Variants in GMDS observed in about 807,000 individuals in gnomAD.
GMDS encodes GDP-mannose 4,6-dehydratase, also known as GDP-mannose 4,6 dehydratase.
GMDS carries 20 observed loss-of-function variants against 49.9 expected under a neutral mutation model. That is an observed-to-expected ratio of 0.40 (90% confidence interval 0.28 to 0.58). The LOEUF (loss-of-function observed/expected upper bound fraction) is 0.58, where lower values mean the gene tolerates loss of function less well. GMDS is among the 20% of genes least tolerant of loss of function. The pLI is 0.42. For synonymous variants in GMDS, 177 were observed against 178.6 expected (o/e 0.99, Z 0.07); for missense variants, 362 against 481.4 (o/e 0.75, Z 2.32).
chr6:1,765,768 T>A (rs747342737), intron 7 of GMDS, among the ~76,000 whole-genome samples: 1 of 152,190 alleles, frequency 6.6e-6, no homozygotes, highest in African/African-American at 2.4e-5. Flanking sequence ...CTGTGCCAGA[T>A]TCTCGCTGGT....
At chr6:2,109,153 G>A (rs1410173833) in intron 4 of GMDS, among the ~76,000 whole-genome samples, 2 of 152,154 alleles carry the variant, frequency 1.3e-5, no homozygotes, top group African/African-American at 2.4e-5. Flanking sequence ...TTTGCCTCAA[G>A]TTAGACTGAA....
At chr6:2,142,168 G>A (rs4959637) in intron 1 of GMDS, among the ~76,000 whole-genome samples, 1 of 151,890 alleles carries the variant, frequency 6.6e-6, no homozygotes, top group Non-Finnish European at 1.5e-5. Flanking sequence ...GGCCATAAGA[G>A]AAAAAAGAGC....
At chr6:1,885,621 C>T (rs114168666) in intron 7 of GMDS, among the ~76,000 whole-genome samples, 43 of 152,268 alleles carry the variant, frequency 2.8e-4, no homozygotes, top group African/African-American at 8.4e-4. Context: ...CCTTGGTCTC[C>T]GAGGTTGCCT....
intron 1 of GMDS, among the ~76,000 whole-genome samples, chr6:2,165,676 A>G (rs1777629703): frequency 6.6e-6 from 1 of 152,264 alleles, no homozygotes. Flanking sequence ...ATCCTGTGGA[A>G]GACAACTCAT....
chr6:1,863,235 C>T (rs573781942), intron 7 of GMDS, among the ~76,000 whole-genome samples: 1 of 152,072 alleles, frequency 6.6e-6, no homozygotes, highest in African/African-American at 2.4e-5. Context: ...TCACCCATAA[C>T]CATTAGTTTC....
intron 9 of GMDS, among the ~76,000 whole-genome samples, chr6:1,703,135 C>T (rs906285583): frequency 7.2e-5 from 11 of 152,284 alleles, no homozygotes; most frequent in African/African-American, 2.4e-4. Flanking sequence ...GTGTCGGCAA[C>T]TCCTGTGTGA....
intron 4 of GMDS, among the ~76,000 whole-genome samples, chr6:2,086,147 C>G (rs1376775246): frequency 6.6e-6 from 1 of 152,082 alleles, no homozygotes; most frequent in Non-Finnish European, 1.5e-5. Flanking sequence ...GATTTTCTTC[C>G]AGACATGACA....
intron 4 of GMDS, among the ~76,000 whole-genome samples, chr6:1,978,081 C>A (rs777125830): frequency 3.3e-5 from 5 of 152,152 alleles, no homozygotes; most frequent in African/African-American, 7.2e-5. Context: ...TGAGACCAGA[C>A]GGAGCCCACG....
intron 5 of GMDS, 48 bp downstream of exon 5, chr6:1,960,726 C>A (rs1388686563): frequency 1.6e-6 from 2 of 1,268,816 alleles, no homozygotes; most frequent in South Asian, 1.6e-5. Context: ...CCCCCCACAC[C>A]CACAGATAAC....
intron 2 of GMDS, 93 bp from the exon 3 acceptor site, chr6:2,117,649 G>A (rs1774919529): frequency 1.3e-6 from 1 of 753,244 alleles, no homozygotes; most frequent in Non-Finnish European, 2.4e-6. Flanking sequence ...AAAATGATTT[G>A]TAAGCATTAT....
At chr6:1,733,831 G>A (rs760178443) in intron 8 of GMDS, among the ~76,000 whole-genome samples, 4 of 141,942 alleles carry the variant, frequency 2.8e-5, no homozygotes, top group African/African-American at 5.3e-5. Context: ...CAGCCAGGGC[G>A]ACAGAGTGAG....
At chr6:2,173,794 G>A (rs1344986641) in intron 1 of GMDS, among the ~76,000 whole-genome samples, 1 of 152,144 alleles carries the variant, frequency 6.6e-6, no homozygotes. Flanking sequence ...AAAATAGATG[G>A]TTTCCACACC....
At chr6:2,030,538 C>T (rs1768889051) in intron 4 of GMDS, among the ~76,000 whole-genome samples, 1 of 152,166 alleles carries the variant, frequency 6.6e-6, no homozygotes, top group South Asian at 2.1e-4. Flanking sequence ...GGATTTGCAG[C>T]AGTTTGTACA....
chr6:1,894,783 G>C (rs1159718194), intron 7 of GMDS, among the ~76,000 whole-genome samples: 1 of 152,124 alleles, frequency 6.6e-6, no homozygotes, highest in Non-Finnish European at 1.5e-5. Flanking sequence ...GGAGTTTGGA[G>C]GTTAAATCTA....
At chr6:1,745,110 G>A (rs534597370) in intron 7 of GMDS, among the ~76,000 whole-genome samples, 1 of 152,248 alleles carries the variant, frequency 6.6e-6, no homozygotes, top group South Asian at 2.1e-4. Context: ...GGGATTAGAT[G>A]TAAGGGGGTA....
intron 4 of GMDS, among the ~76,000 whole-genome samples, chr6:2,017,930 A>T (rs920827831): frequency 6.6e-6 from 1 of 152,208 alleles, no homozygotes; most frequent in African/African-American, 2.4e-5. Flanking sequence ...AGAAAGCTGC[A>T]TACGCTGCAG....
At chr6:1,885,126 G>A (rs889232432) in intron 7 of GMDS, among the ~76,000 whole-genome samples, 2 of 152,154 alleles carry the variant, frequency 1.3e-5, no homozygotes, top group South Asian at 2.1e-4. Context: ...CCCTCGTTAT[G>A]GAGAAACAAG....
intron 9 of GMDS, among the ~76,000 whole-genome samples, chr6:1,677,679 A>G (rs1378206659): frequency 1.3e-5 from 2 of 151,686 alleles, no homozygotes; most frequent in African/African-American, 4.8e-5. Context: ...CATCATTCTG[A>G]GCAAACGATC....
At chr6:2,032,956 T>A (rs1257570833) in intron 4 of GMDS, among the ~76,000 whole-genome samples, 1 of 152,210 alleles carries the variant, frequency 6.6e-6, no homozygotes, top group African/African-American at 2.4e-5. Flanking sequence ...CAAATTTCAT[T>A]TTTAAAAATT....
Sources: gnomAD v4.1 joint callset for allele counts (sites outside exome capture counted in the v4.1 genomes callset) on GRCh38, gnomAD v4.1.1 for gene constraint, MANE v1.5 for transcripts, NCBI Gene and HGNC (gene_info 2026-07-23, HGNC 2026-07-21) for gene names.